PRDM2: variants seen among roughly 807,000 people sequenced by gnomAD.
PRDM2 encodes the protein PR/SET domain 2.
In PRDM2, 30 loss-of-function variants were observed where a neutral mutation model predicts 130.0. The ratio of observed to expected loss-of-function variants is 0.23; its 90% confidence interval spans 0.17 to 0.31. The LOEUF (loss-of-function observed/expected upper bound fraction) is 0.31, where lower values mean the gene tolerates loss of function less well. Among genes scored for constraint, PRDM2 ranks in the 10% least tolerant of loss-of-function variants. PRDM2 has a pLI of 1.00. For missense variants in PRDM2, 2,011 were observed against 2,108.4 expected, an observed-to-expected ratio of 0.95 and a Z score of 0.90; for synonymous variants, 871 against 782.4, an observed-to-expected ratio of 1.11 and a Z score of -1.89.
intron 9 of PRDM2, among the ~76,000 whole-genome samples, chr1:13,822,398 TTC>T (rs1645366586): frequency 1.5e-5 from 1 of 65,388 alleles, no homozygotes; most frequent in African/African-American, 5.7e-5. Flanking sequence ...TTCTTTTTCT[TTC>T]TTTTTTTTTT....
intron 9 of PRDM2, among the ~76,000 whole-genome samples, chr1:13,817,732 G>T (rs146321591): frequency 1.3e-5 from 2 of 152,084 alleles, no homozygotes; most frequent in East Asian, 1.9e-4. Flanking sequence ...GGGCGCGGTC[G>T]CTCACACCTG....
intron 6 of PRDM2, among the ~76,000 whole-genome samples, chr1:13,761,892 T>G (rs1008185122): frequency 2.0e-5 from 3 of 152,204 alleles, no homozygotes; most frequent in Non-Finnish European, 4.4e-5. Context: ...CTGTCTTCAT[T>G]GGACTTGTAC....
At chr1:13,766,529 G>A (rs761587193) in intron 6 of PRDM2, among the ~76,000 whole-genome samples, 17 of 152,236 alleles carry the variant, frequency 1.1e-4, no homozygotes, top group Non-Finnish European at 2.5e-4. Context: ...AGGACTGATG[G>A]AGGGCAGAGG....
chr1:13,777,816 C>T (rs1281357872), intron 7 of PRDM2, among the ~76,000 whole-genome samples: 3 of 151,650 alleles, frequency 2.0e-5, no homozygotes, highest in Admixed American at 6.6e-5. Context: ...TTCTTAATAA[C>T]TTGGCTAGGC....
chr1:13,749,178 G>A (rs1225999135), intron 5 of PRDM2, among the ~76,000 whole-genome samples, 183 bp from the exon 6 acceptor site: 3 of 151,600 alleles, frequency 2.0e-5, no homozygotes, highest in African/African-American at 7.2e-5. Context: ...TCCAGCAGAG[G>A]GTTCCGGGCG....
intron 2 of PRDM2, among the ~76,000 whole-genome samples, chr1:13,716,457 AAAAT>A (rs1445408498): frequency 6.6e-6 from 1 of 152,226 alleles, no homozygotes; most frequent in East Asian, 1.9e-4. Flanking sequence ...TAATAATAAA[AAAAT>A]AAAAAAAAGA....
In PRDM2 at chr1:13,787,882, T is replaced by TGA. The variant is rs376193907; in HGVS notation, c.5036+5063_5036+5064dup. Reference sequence around the variant, plus strand: ...CCATTGATTTTAACCAATGTAGCACTGAGAGAGAGAGAGGTTAATTATAGA... The same window carrying TGA: ...CCATTGATTTTAACCAATGTAGCACTGAGAGAGAGAGAGAGGTTAATTATAGA... On this transcript the variant is annotated intron_variant, in intron 8 of 9. Transcript: ENST00000311066. The TGA allele has an allele frequency of 3.9e-3, 3,877 of 982,474 alleles. 9 individuals carry two copies. Among genetic ancestry groups the TGA allele is most frequent in the East Asian group, 5.1e-3 (45 of 8,800 alleles). The allele number at this position is 982,474 out of a possible 1,614,324, so 60.9% of individuals were successfully genotyped here. A position where few individuals can be genotyped will look rare whatever the true frequency, so the allele number is the denominator to read the frequency against.
intron 5 of PRDM2, among the ~76,000 whole-genome samples, chr1:13,742,697 G>T (rs1255927622): frequency 6.6e-6 from 1 of 152,216 alleles, no homozygotes; most frequent in Non-Finnish European, 1.5e-5. Context: ...GAAAGATACT[G>T]ATGAGTTAAG....
chr1:13,809,316 T>C (rs1014447822), intron 8 of PRDM2, among the ~76,000 whole-genome samples: 2 of 151,846 alleles, frequency 1.3e-5, no homozygotes, highest in African/African-American at 2.4e-5. Flanking sequence ...AGAAGTCCAG[T>C]GAGGAAGGCG....
chr1:13,725,765 C>G (rs1001903528), intron 2 of PRDM2, among the ~76,000 whole-genome samples: 1 of 152,172 alleles, frequency 6.6e-6, no homozygotes, highest in Non-Finnish European at 1.5e-5. Context: ...CAGACAACAT[C>G]TTAGTGTTGT....
At chr1:13,801,126 C>T (rs915490441) in intron 8 of PRDM2, among the ~76,000 whole-genome samples, 22 of 152,312 alleles carry the variant, frequency 1.4e-4, no homozygotes, top group African/African-American at 5.1e-4. Context: ...GGGGAGGGCA[C>T]TGCAGGCAGG....
chr1:13,723,642 T>A (rs1211875625), intron 2 of PRDM2, among the ~76,000 whole-genome samples: 1 of 152,196 alleles, frequency 6.6e-6, no homozygotes, highest in Non-Finnish European at 1.5e-5. Context: ...ACTCATTTGC[T>A]GTGCTTCTTC....
rs1570130263 is a variant in PRDM2 at position 13,816,671 on chromosome 1, G to A, written c.*23+101G>A. Reference sequence around the variant, plus strand: ...GAGGGAAGGAGAGAAAGCAGTGGGTGTGATTGCTTGTGTGTACCAGGCACG... The same window carrying A: ...GAGGGAAGGAGAGAAAGCAGTGGGTATGATTGCTTGTGTGTACCAGGCACG... On this transcript the variant is annotated intron_variant, in intron 9 of 9. Coordinates refer to ENST00000311066, the MANE Select transcript of PRDM2 (RefSeq NM_001393986.1). The A allele has an allele frequency of 2.1e-6, 3 of 1,429,806 alleles. No individual in the cohort carries two copies. The East Asian group carries it at 7.1e-5, about 34-fold the overall frequency. 88.6% of individuals were successfully genotyped at this position (1,429,806 alleles called of 1,614,324 possible).
chr1:13,747,670 G>A (rs1418868027), intron 5 of PRDM2, among the ~76,000 whole-genome samples: 5 of 149,236 alleles, frequency 3.4e-5, no homozygotes, highest in Non-Finnish European at 5.9e-5. Context: ...AGAATTAAAC[G>A]AAGTAATATT....
chr1:13,798,262 C>T (rs1644953364), intron 8 of PRDM2, among the ~76,000 whole-genome samples: 1 of 152,310 alleles, frequency 6.6e-6, no homozygotes, highest in African/African-American at 2.4e-5. Context: ...ACTTATGTGA[C>T]CCTAACTCAT....
intron 8 of PRDM2, chr1:13,788,185 C>T (rs1004290723): frequency 9.4e-5 from 79 of 841,644 alleles, no homozygotes; most frequent in Middle Eastern, 6.2e-4. Context: ...AAAAGTGCGG[C>T]GTCTACTCAG....
intron 6 of PRDM2, among the ~76,000 whole-genome samples, chr1:13,757,142 A>G (rs1408252544): frequency 6.6e-6 from 1 of 152,202 alleles, no homozygotes; most frequent in African/African-American, 2.4e-5. Flanking sequence ...TGTAGGAGAG[A>G]CCAGTCATGG....
At chr1:13,796,125 CAATT>C (rs1335834562) in intron 8 of PRDM2, among the ~76,000 whole-genome samples, 5 of 152,154 alleles carry the variant, frequency 3.3e-5, no homozygotes. Flanking sequence ...AGGTAACCAT[CAATT>C]AATACTTTGT....
chr1:13,789,552 C>G (rs1426338767), intron 8 of PRDM2, among the ~76,000 whole-genome samples: 1 of 152,294 alleles, frequency 6.6e-6, no homozygotes, highest in East Asian at 1.9e-4. Context: ...GGAGATGCTT[C>G]TAGCTTAATA....
Sources: gnomAD v4.1 joint callset for allele counts (sites outside exome capture counted in the v4.1 genomes callset) on GRCh38, gnomAD v4.1.1 for gene constraint, MANE v1.5 for transcripts, NCBI Gene and HGNC (gene_info 2026-07-23, HGNC 2026-07-21) for gene names.